The following NPRL3 variants were observed in gnomAD, a reference collection of about 807,000 sequenced individuals.
NPRL3 encodes the protein NPR3 like, GATOR1 complex subunit, also known as GATOR1 complex protein NPRL3.
In NPRL3, 23 loss-of-function variants were observed where a neutral mutation model predicts 57.2. The ratio of observed to expected loss-of-function variants is 0.40; its 90% CI spans 0.29 to 0.57. The LOEUF is 0.57. Among genes scored for constraint, NPRL3 ranks in the 20% least tolerant of loss-of-function variants. The pLI is 0.42. For missense variants in NPRL3, 691 were observed against 767.1 expected, an observed-to-expected ratio of 0.90 and a Z score of 1.17; for synonymous variants, 333 against 321.1, an observed-to-expected ratio of 1.04 and a Z score of -0.39.
chr16:101,803 A>G (rs1312187171), intron 7 of NPRL3, among the ~76,000 whole-genome samples: 1 of 151,920 alleles, frequency 6.6e-6, no homozygotes, highest in Non-Finnish European at 1.5e-5. Context: ...CTTGCCCACA[A>G]ACTCTCTGCA....
chr16:94,996 C>T (rs892714492), intron 9 of NPRL3, among the ~76,000 whole-genome samples: 31 of 152,114 alleles, frequency 2.0e-4, no homozygotes, highest in Admixed American at 7.9e-4. Context: ...GAAGAGAATT[C>T]GTCCTGCCTC....
At chr16:104,027 T>G (rs1220541881) in intron 7 of NPRL3, among the ~76,000 whole-genome samples, 1 of 151,412 alleles carries the variant, frequency 6.6e-6, no homozygotes, top group Non-Finnish European at 1.5e-5. Context: ...GGCAGGAAAA[T>G]CACTTGAACC....
intron 4 of NPRL3, among the ~76,000 whole-genome samples, 186 bp downstream of exon 4, chr16:118,940 C>A (rs2141960092): frequency 6.6e-6 from 1 of 150,560 alleles, no homozygotes; most frequent in South Asian, 2.1e-4. Flanking sequence ...CCAGGGGAAG[C>A]CACATCTGCC....
chr16:86,887 G>A lies in NPRL3; in HGVS notation c.1545-17C>T. Reference sequence around the variant, plus strand: ...TGAAGGAGCCTGGAAGGGATGGGTGGGTGTGAGCCCAACCTGACACCAGCC... The same window carrying A: ...TGAAGGAGCCTGGAAGGGATGGGTGAGTGTGAGCCCAACCTGACACCAGCC... On this transcript the variant is annotated splice_polypyrimidine_tract_variant and intron_variant, in intron 13 of 13. Coordinates refer to ENST00000611875, the MANE Select transcript of NPRL3 (RefSeq NM_001077350.3). The A allele has an allele frequency of 6.2e-7, 1 of 1,609,674 alleles. No homozygotes were observed. The highest frequency in any genetic ancestry group is 8.5e-7 in the Non-Finnish European group (1 of 1,177,844).
At chr16:138,082 T>C in intron 2 of NPRL3, 68 bp downstream of exon 2, 1 of 1,257,294 alleles carries the variant, frequency 8.0e-7, no homozygotes, top group Non-Finnish European at 1.1e-6. Flanking sequence ...GAGGCGGCCC[T>C]GGAATGAGGC....
intron 8 of NPRL3, among the ~76,000 whole-genome samples, chr16:98,990 C>T (rs1259020939): frequency 6.6e-6 from 1 of 152,088 alleles, no homozygotes; most frequent in African/African-American, 2.4e-5. Flanking sequence ...GAAAAAAACA[C>T]GACAAAAGTG....
chr16:130,718 A>C, intron 2 of NPRL3, 127 bp from the exon 3 acceptor site: 1 of 841,572 alleles, frequency 1.2e-6, no homozygotes, highest in East Asian at 2.7e-5. Flanking sequence ...AATATTACTC[A>C]GACATAAAAA....
chr16:99,805 C>T (rs1468520404), intron 8 of NPRL3, among the ~76,000 whole-genome samples: 1 of 151,178 alleles, frequency 6.6e-6, no homozygotes, highest in Non-Finnish European at 1.5e-5. Context: ...TGGCAGTGGG[C>T]GCCTGTAATC....
Position 103,296 on chromosome 16 carries a change from ATTTTTTTTTTTTTTTTT to A in NPRL3, c.630-2804_630-2788del, listed in dbSNP as rs533871530. 3.1e-4 allele frequency among the ~76,000 whole-genome samples: 13 copies of A among 42,126 alleles called. 2 individuals carry two copies. The South Asian group carries it at 0.014, about 47-fold the overall frequency. The allele number at this position is 42,126 out of a possible 152,430, so 27.6% of individuals were successfully genotyped here. On this transcript the variant is annotated intron_variant, in intron 7 of 13. Coordinates refer to ENST00000611875, the MANE Select transcript of NPRL3 (RefSeq NM_001077350.3). ...GACGTGCAACATCACGCCTGGGGTGATTTTTTTTTTTTTTTTTTTTTTTTTTTTTGTAGAGACAGGGT... is the reference window on the plus strand; with the variant it reads ...GACGTGCAACATCACGCCTGGGGTGATTTTTTTTTTTTGTAGAGACAGGGT...
intron 3 of NPRL3, among the ~76,000 whole-genome samples, chr16:123,282 T>C (rs1295084535): frequency 6.6e-6 from 1 of 152,126 alleles, no homozygotes; most frequent in African/African-American, 2.4e-5. Flanking sequence ...CAGCCATGCC[T>C]TGGCCTCTCA....
In NPRL3 at chr16:116,797, C is replaced by CCCCCG. The variant is rs999833541; in HGVS notation, c.393+503_393+504insCGGGG. Among the ~76,000 whole-genome samples, 236 of 143,760 alleles carry CCCCCG rather than the reference C, an allele frequency of 1.6e-3. 1 individual carries two copies. Among genetic ancestry groups the CCCCCG allele is most frequent in the South Asian group, 5.1e-3 (21 of 4,084 alleles). The allele number at this position is 143,760 out of a possible 152,430, so 94.3% of individuals were successfully genotyped here. A position where few individuals can be genotyped will look rare whatever the true frequency, so the allele number is the denominator to read the frequency against. ...GGCCAACATGGCGAGACCCCCCCCC[C>CCCCCG]CCACCGATCTCTACTAAAAATACAA... is the stretch of plus-strand genomic sequence containing the variant. On this transcript the variant is annotated intron_variant, in intron 5 of 13. Transcript: ENST00000611875.
At chr16:112,355 T>C (rs1446890799) in intron 6 of NPRL3, among the ~76,000 whole-genome samples, 1 of 152,224 alleles carries the variant, frequency 6.6e-6, no homozygotes, top group Non-Finnish European at 1.5e-5. Context: ...ATGTAACTTC[T>C]CTGAGCCTTA....
intron 6 of NPRL3, 131 bp downstream of exon 6, chr16:112,491 G>T: frequency 2.3e-6 from 2 of 879,224 alleles, no homozygotes; most frequent in Non-Finnish European, 3.2e-6. Flanking sequence ...CTCTGCTGGT[G>T]TTGGGGTGGG....
intron 3 of NPRL3, among the ~76,000 whole-genome samples, chr16:126,502 GTTC>G (rs1388686940): frequency 5.9e-5 from 9 of 151,800 alleles, no homozygotes; most frequent in African/African-American, 2.2e-4. Flanking sequence ...AAAGAAATCA[GTTC>G]TTCTCTAAAC....
At position 88,799 on chromosome 16, in the gene NPRL3, C is replaced by T. The variant is rs1898620865; in HGVS notation, c.1443G>A (p.Arg481=). ...GGCTGGCCAGCAGGTTCTCCGTCAT[C>T]CTCTGGTTCAGTGGCGAGTCCCCGC... The part of the protein sequence containing the change: ...LPSGDSPLNQ[R]MTENLLASLS... Residue 481 remains arginine, a synonymous_variant, in exon 13 of 14, where the codon AGG becomes AGA. Coordinates refer to ENST00000611875, the MANE Select transcript of NPRL3 (RefSeq NM_001077350.3). 1 of 1,613,736 alleles carries T rather than the reference C, an allele frequency of 6.2e-7. No homozygotes were observed. The highest frequency in any genetic ancestry group is 1.7e-5 in the Admixed American group (1 of 59,976).
At chr16:129,567 A>C (rs1355501012) in intron 3 of NPRL3, among the ~76,000 whole-genome samples, 2 of 152,178 alleles carry the variant, frequency 1.3e-5, no homozygotes, top group Non-Finnish European at 2.9e-5. Context: ...ACGTAATCCC[A>C]AAAATTTGGG....
intron 13 of NPRL3, among the ~76,000 whole-genome samples, chr16:87,389 AC>A (rs2141896306): frequency 6.6e-6 from 1 of 151,654 alleles, no homozygotes; most frequent in Non-Finnish European, 1.5e-5. Context: ...GTGCGCTACC[AC>A]ACCTGGCTAA....
chr16:123,464 C>G, intron 3 of NPRL3: 1 of 470,028 alleles, frequency 2.1e-6, no homozygotes, highest in Non-Finnish European at 4.4e-6. Context: ...GAGAAGGCAG[C>G]CGGAATCAAG....
rs1253043821 is a variant in NPRL3 at position 93,301 on chromosome 16, C to T, written c.949G>A (p.Val317Met). Residue 317 changes from valine (V) to methionine (M), a missense_variant, in exon 10 of 14, where the codon GTG becomes ATG. Transcript: ENST00000611875. ...ATGATGATGGCCTTGCCCCAGTACA[C>T]CAGATGAGCTGCAAGCTGGAAAACC... ...LQVFQLAAHL[V>M]YWGKAIIIYP... 8 of 1,558,106 alleles carry T rather than the reference C, an allele frequency of 5.1e-6. No individual in the cohort carries two copies. The highest frequency in any genetic ancestry group is 1.2e-5 in the South Asian group (1 of 84,348).
Sources: allele counts gnomAD v4.1 joint callset (sites outside exome capture counted in the v4.1 genomes callset), GRCh38; gene constraint gnomAD v4.1.1; transcripts MANE v1.5; gene names NCBI Gene and HGNC (gene_info 2026-07-23, HGNC 2026-07-21).